Variants in SLC24A4 observed in about 807,000 individuals in gnomAD.
The protein encoded by SLC24A4 is sodium/potassium/calcium exchanger 4.
Under a neutral mutation model 79.0 loss-of-function variants are expected in SLC24A4, and 53 were observed. That is an observed-to-expected ratio of 0.67 (90% confidence interval 0.54 to 0.84). The LOEUF (loss-of-function observed/expected upper bound fraction) is 0.84, where lower values mean the gene tolerates loss of function less well. Among genes scored for constraint, SLC24A4 ranks in the 40% least tolerant of loss-of-function variants. The pLI is 0.00. For synonymous variants in SLC24A4, 323 were observed against 323.8 expected, an observed-to-expected ratio of 1.00 and a Z score of 0.03; for missense variants, 731 against 822.0, an observed-to-expected ratio of 0.89 and a Z score of 1.35.
intron 16 of SLC24A4, 133 bp downstream of exon 16, chr14:92,492,373 G>A: frequency 2.5e-6 from 2 of 786,154 alleles, no homozygotes; most frequent in South Asian, 3.4e-5. Flanking sequence ...AGAAAATGTA[G>A]ACGTTCATAG....
At chr14:92,401,797 G>T (rs1341182905) in intron 2 of SLC24A4, among the ~76,000 whole-genome samples, 1 of 152,156 alleles carries the variant, frequency 6.6e-6, no homozygotes, top group Non-Finnish European at 1.5e-5. Flanking sequence ...TAGGAATGTA[G>T]TGTTGGGGGC....
At chr14:92,369,795 T>C (rs1407368339) in intron 2 of SLC24A4, among the ~76,000 whole-genome samples, 1 of 152,198 alleles carries the variant, frequency 6.6e-6, no homozygotes, top group Non-Finnish European at 1.5e-5. Context: ...AATAGCATAC[T>C]CACCCACTCA....
intron 2 of SLC24A4, among the ~76,000 whole-genome samples, chr14:92,343,933 C>T (rs1205519421): frequency 6.6e-6 from 1 of 152,110 alleles, no homozygotes; most frequent in African/African-American, 2.4e-5. Context: ...GAACTCCTGA[C>T]TTCAAATGAT....
chr14:92,430,053 A>T (rs8021003), intron 2 of SLC24A4, among the ~76,000 whole-genome samples: 2 of 152,192 alleles, frequency 1.3e-5, no homozygotes, highest in Admixed American at 6.5e-5. Context: ...TGCCTAATCC[A>T]GTGCCTGGCA....
intron 2 of SLC24A4, among the ~76,000 whole-genome samples, chr14:92,424,106 T>A (rs1479604482): frequency 6.6e-6 from 1 of 152,170 alleles, no homozygotes; most frequent in Non-Finnish European, 1.5e-5. Flanking sequence ...TGTCTCCTCC[T>A]CTTCTTCTAA....
At chr14:92,342,341 C>G (rs117366759) in intron 2 of SLC24A4, among the ~76,000 whole-genome samples, 11,639 of 147,794 alleles carry the variant, frequency 0.079, 561 homozygotes, top group Middle Eastern at 0.16. Context: ...CTGACATGCT[C>G]CCAGATTCTT....
At chr14:92,360,966 GCAGTCAAGC>G (rs1887474611) in intron 2 of SLC24A4, among the ~76,000 whole-genome samples, 1 of 152,176 alleles carries the variant, frequency 6.6e-6, no homozygotes, top group Non-Finnish European at 1.5e-5. Flanking sequence ...ATTAGAATAA[GCAGTCAAGC>G]CTTTTAAATG....
chr14:92,387,364 A>G (rs1889223194), intron 2 of SLC24A4, among the ~76,000 whole-genome samples: 1 of 151,816 alleles, frequency 6.6e-6, no homozygotes. Context: ...TTTAGTAGAG[A>G]CGGGGTTTTG....
At chr14:92,419,180 G>A (rs1339635938) in intron 2 of SLC24A4, among the ~76,000 whole-genome samples, 1 of 152,114 alleles carries the variant, frequency 6.6e-6, no homozygotes, top group Non-Finnish European at 1.5e-5. Context: ...GACTACTACT[G>A]CCCAGCCAAG....
In SLC24A4 at chr14:92,482,102, G is replaced by A. The variant is rs552640394; in HGVS notation, c.1256-578G>A. Among the ~76,000 whole-genome samples the A allele has an allele frequency of 6.6e-5, 10 of 152,326 alleles. No individual in the cohort carries two copies. In the East Asian group the frequency reaches 1.3e-3, roughly 21 times the overall value. On this transcript the variant is annotated intron_variant, in intron 12 of 16. Coordinates refer to ENST00000532405, the MANE Select transcript of SLC24A4 (RefSeq NM_153646.4). The stretch of plus-strand genomic sequence containing the variant: ...AAGCACCTGCTGTGTGCCAGGCCCC[G>A]TGTGCTGGGTGTTTTATGTACACTC...
At chr14:92,355,958 A>G (rs1030056824) in intron 2 of SLC24A4, among the ~76,000 whole-genome samples, 1 of 152,330 alleles carries the variant, frequency 6.6e-6, no homozygotes, top group Admixed American at 6.5e-5. Flanking sequence ...CTGACTTACA[A>G]TGGTTTGACT....
At position 92,497,887 on chromosome 14, in the gene SLC24A4, C is replaced by T. The variant is rs890348179; in HGVS notation, c.*4259C>T. On this transcript the variant is annotated 3_prime_UTR_variant, in exon 17 of 17. Transcript: ENST00000532405. Reference sequence around the variant, plus strand: ...GCGTGTGGCTCAAATAAACAAAGAACTTACCTGTTAGAGTGAAAATCCTCA... The same window carrying T: ...GCGTGTGGCTCAAATAAACAAAGAATTTACCTGTTAGAGTGAAAATCCTCA... The T allele has an allele frequency of 3.9e-5, 6 of 152,234 alleles. No individual in the cohort carries two copies. Among genetic ancestry groups the T allele is most frequent in the Admixed American group, 3.3e-4 (5 of 15,284 alleles). 9.4% of individuals were successfully genotyped at this position (152,234 alleles called of 1,614,324 possible). A position where few individuals can be genotyped will look rare whatever the true frequency, so the allele number is the denominator to read the frequency against.
intron 2 of SLC24A4, among the ~76,000 whole-genome samples, chr14:92,392,795 G>A (rs555652925): frequency 4.0e-4 from 58 of 146,074 alleles, no homozygotes; most frequent in African/African-American, 1.4e-3. Flanking sequence ...CACTGTGTGA[G>A]GTCACATGGG....
At chr14:92,437,722 G>A (rs1459649144) in intron 3 of SLC24A4, among the ~76,000 whole-genome samples, 3 of 152,170 alleles carry the variant, frequency 2.0e-5, no homozygotes, top group African/African-American at 7.2e-5. Context: ...ATTTGTTTTG[G>A]CAGTGGATGG....
rs1311467632 is a variant in SLC24A4 at position 92,493,583 on chromosome 14, C to T, written c.1824C>T (p.Asn608=). The T allele has an allele frequency of 9.3e-6, 15 of 1,614,060 alleles. No individual in the cohort carries two copies. Among genetic ancestry groups the T allele is most frequent in the Admixed American group, 1.7e-5 (1 of 60,002 alleles). Reference sequence around the variant, plus strand: ...GCTTCTCCATAATGATAGAGTTTAACGTCTTTACCTTCGTCAACTTGCCGA... The same window carrying T: ...GCTTCTCCATAATGATAGAGTTTAATGTCTTTACCTTCGTCAACTTGCCGA... ...FLCFSIMIEF[N]VFTFVNLPMC... is the part of the protein sequence containing the mutation. The change falls in exon 17 of 17, where the codon AAC becomes AAT. Residue 608 remains asparagine, a synonymous_variant. Transcript: ENST00000532405.
At chr14:92,372,025 G>A (rs576741736) in intron 2 of SLC24A4, among the ~76,000 whole-genome samples, 23 of 152,214 alleles carry the variant, frequency 1.5e-4, no homozygotes, top group Non-Finnish European at 3.4e-4. Context: ...TCCCCTTGGG[G>A]GACTCCTGAC....
At chr14:92,393,997 C>A (rs960101700) in intron 2 of SLC24A4, among the ~76,000 whole-genome samples, 1 of 151,352 alleles carries the variant, frequency 6.6e-6, no homozygotes, top group African/African-American at 2.4e-5. Context: ...TGTGAAAGAG[C>A]GAGATTTGGT....
At chr14:92,341,550 G>A (rs925799473) in intron 2 of SLC24A4, among the ~76,000 whole-genome samples, 2 of 152,228 alleles carry the variant, frequency 1.3e-5, no homozygotes, top group Admixed American at 6.5e-5. Context: ...AAAGAGAGCT[G>A]TGTGAACAAG....
chr14:92,378,094 TG>T (rs1178338103), intron 2 of SLC24A4, among the ~76,000 whole-genome samples: 2 of 152,170 alleles, frequency 1.3e-5, no homozygotes, highest in Non-Finnish European at 2.9e-5. Flanking sequence ...TCTCTTATCA[TG>T]GGAGTCATCC....
Sources: gnomAD v4.1 joint callset for allele counts (sites outside exome capture counted in the v4.1 genomes callset) on GRCh38, gnomAD v4.1.1 for gene constraint, MANE v1.5 for transcripts, NCBI Gene and HGNC (gene_info 2026-07-23, HGNC 2026-07-21) for gene names.